The following DDX46 variants were observed in gnomAD, a reference collection of about 807,000 sequenced individuals.
The protein encoded by DDX46 is DEAD-box helicase 46.
A neutral mutation model predicts 134.9 loss-of-function variants in DDX46; 30 were observed. The observed-to-expected ratio is 0.22, with a 90% CI of 0.17 to 0.30. The LOEUF (loss-of-function observed/expected upper bound fraction) is 0.30, where lower values mean the gene tolerates loss of function less well. Among genes scored for constraint, DDX46 ranks in the 10% least tolerant of loss-of-function variants. The probability of loss-of-function intolerance (pLI) is 1.00; values close to 1 mark genes in which losing one functional copy is unlikely to be tolerated. For missense variants in DDX46, 622 were observed against 1,248.7 expected (o/e 0.50, Z 7.56); for synonymous variants, 415 against 404.1 (o/e 1.03, Z -0.32).
intron 18 of DDX46, among the ~76,000 whole-genome samples, chr5:134,815,712 A>T (rs1051936119): frequency 1.6e-3 from 242 of 150,242 alleles, no homozygotes; most frequent in Middle Eastern, 3.5e-3. Context: ...GTCTCAAAAA[A>T]AAAAAAAAAA....
chr5:134,774,166 A>T (rs993755301), intron 5 of DDX46, among the ~76,000 whole-genome samples: 19 of 152,242 alleles, frequency 1.2e-4, no homozygotes, highest in African/African-American at 4.1e-4. Flanking sequence ...CTGTCTCTGA[A>T]TTTGTTTAGT....
At chr5:134,804,577 T>TACA (rs1158742003) in intron 15 of DDX46, among the ~76,000 whole-genome samples, 3 of 152,156 alleles carry the variant, frequency 2.0e-5, no homozygotes, top group Non-Finnish European at 2.9e-5. Context: ...GAGTTGGGAC[T>TACA]ACAAGCGTGT....
At chr5:134,773,327 G>T (rs1753831858) in intron 4 of DDX46, among the ~76,000 whole-genome samples, 1 of 152,186 alleles carries the variant, frequency 6.6e-6, no homozygotes, top group South Asian at 2.1e-4. Context: ...GCGTTTAGGG[G>T]ATTAAAATTG....
intron 13 of DDX46, among the ~76,000 whole-genome samples, chr5:134,793,972 CTG>C (rs1425956288): frequency 6.6e-6 from 1 of 152,018 alleles, no homozygotes; most frequent in African/African-American, 2.4e-5. Context: ...TAATTTTTGG[CTG>C]TCGAAAGGAG....
chr5:134,764,143 G>T, intron 2 of DDX46, 51 bp downstream of exon 2: 1 of 1,516,518 alleles, frequency 6.6e-7, no homozygotes, highest in South Asian at 1.3e-5. Flanking sequence ...GGGCCTTCTC[G>T]GCTATAGCAG....
intron 22 of DDX46, among the ~76,000 whole-genome samples, chr5:134,827,260 A>T (rs1755614989): frequency 2.0e-5 from 3 of 150,534 alleles, no homozygotes; most frequent in South Asian, 4.2e-4. Context: ...CATACCTTGA[A>T]TTTTTTTTCT....
Position 134,784,538 on chromosome 5 carries a change from A to G in DDX46, c.1339A>G (p.Ile447Val). Reference sequence around the variant, plus strand: ...GTCATTAGAGGAAGGAGAGGGGCCAATAGGTACAATTCTTTTCATTAAACT... The same window carrying G: ...GTCATTAGAGGAAGGAGAGGGGCCAGTAGGTACAATTCTTTTCATTAAACT... ...QRSLEEGEGP[I>V]AVIMTPTREL... Residue 447 changes from isoleucine (I) to valine (V), a missense_variant, in exon 10 of 23, where the codon ATA becomes GTA. By Grantham distance (29) the Ile-to-Val change is conservative (BLOSUM62 3). Around this residue, in one of 8 missense-constraint regions of DDX46, gnomAD observed 209 missense variants for 508.4 expected, o/e 0.41. Transcript: ENST00000452510. 6.2e-7 allele frequency: 1 copy of G among 1,600,262 alleles called. No homozygotes were observed. The highest frequency in any genetic ancestry group is 2.2e-5 in the East Asian group (1 of 44,720).
chr5:134,807,438 T>C (rs1048212538), intron 15 of DDX46, among the ~76,000 whole-genome samples: 1 of 152,180 alleles, frequency 6.6e-6, no homozygotes, highest in Non-Finnish European at 1.5e-5. Context: ...CTTGTCAATA[T>C]AGGCTGAATG....
intron 21 of DDX46, among the ~76,000 whole-genome samples, chr5:134,821,099 G>A (rs1181234757): frequency 6.7e-6 from 1 of 150,304 alleles, no homozygotes; most frequent in Non-Finnish European, 1.5e-5. Flanking sequence ...GTGCAGTGGC[G>A]CAATCTCGGC....
Position 134,767,048 on chromosome 5 carries a change from A to C in DDX46, c.338A>C (p.Lys113Thr). ...RSSSPGNKSK[K>T]TENRSRSKEK... ...TCCAGTCCTGGAAATAAAAGCAAGA[A>C]AACTGAGAATAGGTAATGTTATCAT... The change falls in exon 3 of 23, where the codon AAA becomes ACA. Residue 113 changes from lysine (K) to threonine (T), a missense_variant. By Grantham distance (78) the Lys-to-Thr change is moderately conservative. Coordinates refer to ENST00000452510, the MANE Select transcript of DDX46 (RefSeq NM_001300860.2). 6.2e-7 allele frequency: 1 copy of C among 1,613,554 alleles called. No individual in the cohort carries two copies. Among genetic ancestry groups the C allele is most frequent in the Non-Finnish European group, 8.5e-7 (1 of 1,179,874 alleles).
intron 21 of DDX46, among the ~76,000 whole-genome samples, chr5:134,820,032 C>T (rs1444972191): frequency 6.6e-6 from 1 of 152,034 alleles, no homozygotes; most frequent in Admixed American, 6.6e-5. Context: ...AGCAGTTCTC[C>T]TGCCTCAGCC....
intron 21 of DDX46, among the ~76,000 whole-genome samples, chr5:134,820,614 G>A (rs1755416091): frequency 6.6e-6 from 1 of 152,100 alleles, no homozygotes; most frequent in Non-Finnish European, 1.5e-5. Flanking sequence ...TCTCCATTTG[G>A]AACTATTTTT....
intron 15 of DDX46, among the ~76,000 whole-genome samples, chr5:134,798,338 A>G (rs991979051): frequency 1.3e-5 from 2 of 151,978 alleles, no homozygotes; most frequent in African/African-American, 4.8e-5. Flanking sequence ...TGCTGGGACT[A>G]TAGGTGCATG....
chr5:134,817,414 T>TG, intron 19 of DDX46, 82 bp from the exon 20 acceptor site: 5 of 1,375,306 alleles, frequency 3.6e-6, no homozygotes, highest in Non-Finnish European at 4.9e-6. Context: ...GTTAGTAGCT[T>TG]TTCAGAGAAT....
intron 6 of DDX46, among the ~76,000 whole-genome samples, chr5:134,779,748 C>T (rs1268542775): frequency 1.3e-5 from 2 of 152,212 alleles, no homozygotes; most frequent in African/African-American, 2.4e-5. Context: ...TCTTGGCCTC[C>T]CAAAGTGCTG....
chr5:134,771,811 A>C (rs749830635), intron 4 of DDX46, among the ~76,000 whole-genome samples: 3 of 152,212 alleles, frequency 2.0e-5, no homozygotes, highest in Non-Finnish European at 4.4e-5. Flanking sequence ...AGATTAAATA[A>C]TATTTACCCC....
At chr5:134,822,800 C>T (rs1164386253) in intron 21 of DDX46, among the ~76,000 whole-genome samples, 2 of 152,092 alleles carry the variant, frequency 1.3e-5, no homozygotes, top group Admixed American at 6.6e-5. Context: ...TGTTCTTGAA[C>T]TCCTGGGCTC....
chr5:134,768,244 G>C (rs1753643485), intron 3 of DDX46, among the ~76,000 whole-genome samples: 1 of 151,726 alleles, frequency 6.6e-6, no homozygotes, highest in African/African-American at 2.4e-5. Flanking sequence ...CGAGTAGCTG[G>C]GACTGCAGGT....
In DDX46 at chr5:134,784,439, G is replaced by A; in HGVS notation, c.1240G>A (p.Gly414Ser). 6.2e-7 allele frequency: 1 copy of A among 1,614,022 alleles called. No homozygotes were observed. Residue 414 changes from glycine to serine, a missense_variant, in exon 10 of 23, where the codon GGC becomes AGC. Gly to Ser is a moderately conservative substitution (Grantham distance 56). Around this residue, in one of 8 missense-constraint regions of DDX46, gnomAD observed 209 missense variants for 508.4 expected, o/e 0.41. Transcript: ENST00000452510. ...PAIMSGRDLI[G>S]IAKTGSGKTI... Reference sequence around the variant, plus strand: ...TATAATGTCTGGACGAGATTTGATTGGCATTGCCAAAACAGGAAGTGGAAA... The same window carrying A: ...TATAATGTCTGGACGAGATTTGATTAGCATTGCCAAAACAGGAAGTGGAAA...
Sources: allele counts gnomAD v4.1 joint callset (sites outside exome capture counted in the v4.1 genomes callset), GRCh38; gene constraint gnomAD v4.1.1; regional missense constraint gnomAD v4.1.1; transcripts MANE v1.5; gene names NCBI Gene and HGNC (gene_info 2026-07-23, HGNC 2026-07-21).